Variants in ZNF283 observed in about 807,000 individuals in gnomAD.
ZNF283 encodes the protein zinc finger protein 283.
A neutral mutation model predicts 9.2 loss-of-function variants in ZNF283; 10 were observed. The observed-to-expected ratio is 1.09, with a 90% CI of 0.67 to 1.85. The LOEUF is 1.85. Among genes scored for constraint, ZNF283 ranks in the 40% most tolerant of loss-of-function variants. The pLI is 0.00. For missense variants in ZNF283, 631 were observed against 760.1 expected, an observed-to-expected ratio of 0.83 and a Z score of 2.00; for synonymous variants, 234 against 244.1, an observed-to-expected ratio of 0.96 and a Z score of 0.38.
chr19:43,836,787 A>C (rs1306212689), intron 5 of ZNF283, among the ~76,000 whole-genome samples: 1 of 152,220 alleles, frequency 6.6e-6, no homozygotes, highest in African/African-American at 2.4e-5. Flanking sequence ...GATTTTTAAA[A>C]TATATTACCA....
rs1970739891 is a variant in ZNF283, at chr19:43,832,196, A to G, written c.-1+815A>G. On this transcript the variant is annotated intron_variant, in intron 3 of 6. Coordinates refer to ENST00000618787, the MANE Select transcript of ZNF283 (RefSeq NM_181845.2). Reference sequence around the variant, plus strand: ...TCTGGGATTATAGAAATGTCATTTAAAAATGAATTACCAGGCAAAAAAGAG... The same window carrying G: ...TCTGGGATTATAGAAATGTCATTTAGAAATGAATTACCAGGCAAAAAAGAG... Among the ~76,000 whole-genome samples the G allele has an allele frequency of 1.3e-5, 2 of 152,250 alleles. 1 individual carries two copies. The highest frequency in any genetic ancestry group is 4.1e-4 in the South Asian group (2 of 4,836).
rs763395662 is a variant in ZNF283 at position 43,848,640 on chromosome 19, G to A, written c.2039G>A (p.Ter680=). 1.0e-5 allele frequency: 16 copies of A among 1,538,444 alleles called. No homozygotes were observed. The highest frequency in any genetic ancestry group is 1.4e-5 in the African/African-American group (1 of 72,148). ...NEKIDTDETL[*] ...AAAATTGATACTGATGAAACCTTATGATTGAAAGTTGTAAAAGAATATTTT... is the reference window on the plus strand; with the variant it reads ...AAAATTGATACTGATGAAACCTTATAATTGAAAGTTGTAAAAGAATATTTT... The change falls in exon 7 of 7, where the codon TGA becomes TAA. Residue 680 remains the stop codon, a stop_retained_variant. Transcript: ENST00000618787.
chr19:43,831,215 C>A, intron 2 of ZNF283, 103 bp from the exon 3 acceptor site: 1 of 674,834 alleles, frequency 1.5e-6, no homozygotes, highest in Admixed American at 2.9e-5. Flanking sequence ...TGCAGCCGTA[C>A]TTACAGAGTA....
Position 43,827,345 on chromosome 19 carries a change from G to C in ZNF283, c.-244G>C. 6.6e-6 allele frequency: 1 copy of C among 152,526 alleles called. No individual in the cohort carries two copies. The highest frequency in any genetic ancestry group is 3.1e-3 in the Middle Eastern group (1 of 318). 9.4% of individuals were successfully genotyped at this position (152,526 alleles called of 1,614,324 possible). A position where few individuals can be genotyped will look rare whatever the true frequency, so the allele number is the denominator to read the frequency against. ...CAGAAGCTCCTCTCCCAGCCTGCGA[G>C]CATTTCCAGGCTCTTGTTTCCCATC... On this transcript the variant is annotated 5_prime_UTR_variant, in exon 1 of 7. Transcript: ENST00000618787.
Position 43,849,331 on chromosome 19 carries a change from T to C in ZNF283, c.*690T>C, listed in dbSNP as rs1339699661. 1 of 152,214 alleles carries C rather than the reference T, an allele frequency of 6.6e-6. No homozygotes were observed. Among genetic ancestry groups the C allele is most frequent in the African/African-American group, 2.4e-5 (1 of 41,460 alleles). 9.4% of individuals were successfully genotyped at this position (152,214 alleles called of 1,614,324 possible). On this transcript the variant is annotated 3_prime_UTR_variant, in exon 7 of 7. Coordinates refer to ENST00000618787, the MANE Select transcript of ZNF283 (RefSeq NM_181845.2). Reference sequence around the variant, plus strand: ...TACAAAATTATCAGTCCATAAATGATTGAGAATTGAAAACAAAGTTTGTTC... The same window carrying C: ...TACAAAATTATCAGTCCATAAATGACTGAGAATTGAAAACAAAGTTTGTTC...
In ZNF283 at chr19:43,847,045, C is replaced by A. The variant is rs772937340; in HGVS notation, c.444C>A (p.Gly148=). The A allele has an allele frequency of 5.6e-6, 9 of 1,611,742 alleles. No homozygotes were observed. In the Admixed American group the frequency reaches 1.5e-4, roughly 27 times the overall value. Residue 148 remains glycine, a synonymous_variant, in exon 7 of 7, where the codon GGC becomes GGA. Coordinates refer to ENST00000618787, the MANE Select transcript of ZNF283 (RefSeq NM_181845.2). Reference sequence around the variant, plus strand: ...TGAAGGACAAAAGTAAAACCCTTGGCCTTGAGGCATCCATCTTCAGAAATA... The same window carrying A: ...TGAAGGACAAAAGTAAAACCCTTGGACTTGAGGCATCCATCTTCAGAAATA... ...WEMKDKSKTL[G]LEASIFRNNW... is the part of the protein sequence containing the mutation.
rs1281641223 is a variant in ZNF283 at position 43,847,879 on chromosome 19, T to C, written c.1278T>C (p.Thr426=). 1 of 1,611,176 alleles carries C rather than the reference T, an allele frequency of 6.2e-7. No individual in the cohort carries two copies. Among genetic ancestry groups the C allele is most frequent in the Non-Finnish European group, 8.5e-7 (1 of 1,179,178 alleles). Residue 426 remains threonine (T), a synonymous_variant, in exon 7 of 7, where the codon ACT becomes ACC. Transcript: ENST00000618787. ...SSLIQHERIH[T]GEKPYECKEC... is the part of the protein sequence containing the mutation. The stretch of plus-strand genomic sequence containing the variant: ...TTATTCAACATGAAAGAATTCATAC[T>C]GGTGAGAAACCTTATGAATGTAAAG...
At chr19:43,829,334 A>G (rs1344735284) in intron 2 of ZNF283, among the ~76,000 whole-genome samples, 1 of 152,080 alleles carries the variant, frequency 6.6e-6, no homozygotes, top group Non-Finnish European at 1.5e-5. Flanking sequence ...GCAGTGAGCC[A>G]AGATTGCACC....
chr19:43,850,657 C>G lies in ZNF283; in HGVS notation c.*2016C>G, dbSNP rs1365274785. 1 of 152,086 alleles carries G rather than the reference C, an allele frequency of 6.6e-6. No individual in the cohort carries two copies. The highest frequency in any genetic ancestry group is 1.5e-5 in the Non-Finnish European group (1 of 68,050). The allele number at this position is 152,086 out of a possible 1,614,324, so 9.4% of individuals were successfully genotyped here. A position where few individuals can be genotyped will look rare whatever the true frequency, so the allele number is the denominator to read the frequency against. ...TTTTGCCATGTTGGTCCAGGCTGAT[C>G]TTGAACTCCTGCACCTGCCTCAGCC... On this transcript the variant is annotated 3_prime_UTR_variant, in exon 7 of 7. Transcript: ENST00000618787.
At position 43,850,855 on chromosome 19, in the gene ZNF283, T is replaced by TAA. The variant is rs1225808322; in HGVS notation, c.*2214_*2215insAA. 1.3e-5 allele frequency: 2 copies of TAA among 152,220 alleles called. No homozygotes were observed. Among genetic ancestry groups the TAA allele is most frequent in the Non-Finnish European group, 2.9e-5 (2 of 68,036 alleles). The allele number at this position is 152,220 out of a possible 1,614,324, so 9.4% of individuals were successfully genotyped here. ...GTTAGTTATGAAGAAATAGAGTGTG[T>TAA]GTTTATATACTCACACAGTTAGAAA... is the stretch of plus-strand genomic sequence containing the variant. On this transcript the variant is annotated 3_prime_UTR_variant, in exon 7 of 7. Transcript: ENST00000618787.
At chr19:43,827,744 T>TA (rs1189702667) in intron 1 of ZNF283, 1 of 152,332 alleles carries the variant, frequency 6.6e-6, no homozygotes, top group African/African-American at 2.4e-5. Flanking sequence ...GCCGTATTTG[T>TA]AAATGTGATT....
At position 43,851,369 on chromosome 19, in the gene ZNF283, G is replaced by A. The variant is rs2146602367; in HGVS notation, c.*2728G>A. 1 of 151,552 alleles carries A rather than the reference G, an allele frequency of 6.6e-6. No homozygotes were observed. The highest frequency in any genetic ancestry group is 2.4e-5 in the African/African-American group (1 of 41,314). 9.4% of individuals were successfully genotyped at this position (151,552 alleles called of 1,614,324 possible). A position where few individuals can be genotyped will look rare whatever the true frequency, so the allele number is the denominator to read the frequency against. On this transcript the variant is annotated 3_prime_UTR_variant, in exon 7 of 7. Transcript: ENST00000618787. ...TAGCATCTACTAAATCCCCTCCTAA[G>A]GAACAAGCAAAAGCACCTCACCAGC...
chr19:43,835,064 T>C (rs919307294), intron 4 of ZNF283, among the ~76,000 whole-genome samples: 1 of 152,240 alleles, frequency 6.6e-6, no homozygotes, highest in African/African-American at 2.4e-5. Context: ...CATGTACTCA[T>C]TGCATGATGT....
At chr19:43,840,571 G>A (rs2163855) in intron 6 of ZNF283, 61,281 of 151,824 alleles carry the variant, frequency 0.4, 12,733 homozygotes, top group South Asian at 0.55. Context: ...TGGCTTGCAC[G>A]AGCCACTCTT....
At chr19:43,846,884 T>A in intron 6 of ZNF283, 55 bp from the exon 7 acceptor site, 4 of 1,148,026 alleles carry the variant, frequency 3.5e-6, no homozygotes, top group Non-Finnish European at 4.6e-6. Context: ...GTAGTTTTTT[T>A]TTTTTTTTCC....
chr19:43,845,360 T>C (rs1239704058), intron 6 of ZNF283, among the ~76,000 whole-genome samples: 1 of 152,164 alleles, frequency 6.6e-6, no homozygotes, highest in Non-Finnish European at 1.5e-5. Flanking sequence ...GCAGATTTTA[T>C]GTGAAAGACA....
intron 5 of ZNF283, 90 bp downstream of exon 5, chr19:43,835,682 TC>T (rs1970946367): frequency 9.8e-7 from 1 of 1,018,030 alleles, no homozygotes; most frequent in Admixed American, 2.1e-5. Flanking sequence ...ATAGAACTTC[TC>T]CATAGACCCA....
In ZNF283 at chr19:43,831,364, C is replaced by T. The variant is rs1970701500; in HGVS notation, c.-18C>T. The stretch of plus-strand genomic sequence containing the variant: ...GTCTCATTACATTGAATAACAGCTA[C>T]AGGATGTTCGAGAGCTGGTAGGTGT... On this transcript the variant is annotated 5_prime_UTR_variant, in exon 3 of 7. Transcript: ENST00000618787. The T allele has an allele frequency of 1.3e-6, 2 of 1,595,928 alleles. No homozygotes were observed. Among genetic ancestry groups the T allele is most frequent in the Non-Finnish European group, 1.7e-6 (2 of 1,178,710 alleles).
intron 2 of ZNF283, 30 bp from the exon 3 acceptor site, chr19:43,831,288 G>A: frequency 6.7e-7 from 1 of 1,501,904 alleles, no homozygotes; most frequent in Non-Finnish European, 9.1e-7. Flanking sequence ...GACTTTGAAG[G>A]TGGTTTATCT....
Sources: allele counts gnomAD v4.1 joint callset (sites outside exome capture counted in the v4.1 genomes callset), GRCh38; gene constraint gnomAD v4.1.1; transcripts MANE v1.5; gene names NCBI Gene and HGNC (gene_info 2026-07-23, HGNC 2026-07-21).